OAT: variants seen among roughly 807,000 people sequenced by gnomAD.
OAT encodes the protein ornithine aminotransferase, also known as ornithine aminotransferase, mitochondrial.
OAT carries 35 observed loss-of-function variants against 48.4 expected under a neutral mutation model. The ratio of observed to expected loss-of-function variants is 0.72; its 90% CI spans 0.55 to 0.96. The LOEUF is 0.96. OAT is among the 40% of genes least tolerant of loss of function. The probability of loss-of-function intolerance (pLI) is 0.00; values close to 1 mark genes in which losing one functional copy is unlikely to be tolerated. For synonymous variants in OAT, 182 were observed against 198.4 expected (o/e 0.92, Z 0.70); for missense variants, 438 against 537.9 (o/e 0.81, Z 1.84).
At chr10:124,410,274 C>A (rs1166277561) in intron 2 of OAT, among the ~76,000 whole-genome samples, 2 of 152,150 alleles carry the variant, frequency 1.3e-5, no homozygotes, top group Non-Finnish European at 2.9e-5. Context: ...TGGATATTTA[C>A]AGAGTTTTAC....
chr10:124,411,466 A>G (rs2134488057), intron 2 of OAT, among the ~76,000 whole-genome samples: 1 of 152,294 alleles, frequency 6.6e-6, no homozygotes, highest in Non-Finnish European at 1.5e-5. Context: ...TGACAAAGAC[A>G]ATGGTTCCTC....
chr10:124,405,545 C>G lies in OAT; in HGVS notation c.539G>C (p.Arg180Thr), dbSNP rs121965040. The change falls in exon 5 of 10, where the codon AGG becomes ACG. Residue 180 changes from arginine to threonine, a missense_variant. Physicochemically the swap from Arg to Thr is moderately conservative, Grantham distance 71 (BLOSUM62 -1). Transcript: ENST00000368845. ...IVFAAGNFWGRTLSAISSSTD... is the reference protein window; with the variant it reads ...IVFAAGNFWGTTLSAISSSTD... ...GGAACTGGAGATAGCAGACAACGTC[C>G]TACCCCAGAAGTTCCCAGCTACAAA... 4.4e-5 allele frequency: 71 copies of G among 1,613,892 alleles called. No individual in the cohort carries two copies. The highest frequency in any genetic ancestry group is 2.7e-5 in the Non-Finnish European group (32 of 1,179,946).
At chr10:124,400,085 T>C (rs1951358345) in intron 9 of OAT, among the ~76,000 whole-genome samples, 1 of 152,152 alleles carries the variant, frequency 6.6e-6, no homozygotes, top group South Asian at 2.1e-4. Context: ...AATCAGACAA[T>C]AATCTGTCTA....
chr10:124,413,712 T>G (rs1018010000), intron 1 of OAT, among the ~76,000 whole-genome samples: 2 of 152,140 alleles, frequency 1.3e-5, no homozygotes, highest in Non-Finnish European at 2.9e-5. Context: ...GAAAAAGCTA[T>G]TGTTAGCAAA....
At chr10:124,408,343 A>ATATAT (rs1434453635) in intron 4 of OAT, among the ~76,000 whole-genome samples, 199 bp downstream of exon 4, 6 of 83,806 alleles carry the variant, frequency 7.2e-5, no homozygotes, top group African/African-American at 1.2e-4. Flanking sequence ...ATATATATAT[A>ATATAT]TTTTTTTTTT....
At chr10:124,400,245 C>G (rs531210891) in intron 9 of OAT, among the ~76,000 whole-genome samples, 3 of 150,760 alleles carry the variant, frequency 2.0e-5, no homozygotes, top group Non-Finnish European at 4.4e-5. Flanking sequence ...GTCAGGAGAT[C>G]GAGACCACCC....
intron 4 of OAT, chr10:124,406,175 CTAT>C: frequency 1.1e-6 from 1 of 931,234 alleles, no homozygotes; most frequent in Non-Finnish European, 1.3e-6. Context: ...TGAGGATCTA[CTAT>C]GTCAGGCATT....
intron 9 of OAT, among the ~76,000 whole-genome samples, chr10:124,398,505 C>CAA (rs1230591896): frequency 7.1e-6 from 1 of 140,600 alleles, no homozygotes; most frequent in African/African-American, 2.6e-5. Context: ...GACACCGTCT[C>CAA]AAAAAAAAAA....
At chr10:124,399,636 C>T (rs1001103317) in intron 9 of OAT, among the ~76,000 whole-genome samples, 43 of 152,036 alleles carry the variant, frequency 2.8e-4, no homozygotes, top group African/African-American at 9.2e-4. Context: ...TAAGACACCG[C>T]GCCCGGCCCC....
intron 8 of OAT, 30 bp downstream of exon 8, chr10:124,401,696 T>G: frequency 7.1e-7 from 1 of 1,411,960 alleles, no homozygotes; most frequent in Non-Finnish European, 1.0e-6. Flanking sequence ...CTTTAAAGAA[T>G]AGACACTGTG....
At chr10:124,415,720 T>C (rs1951898594) in intron 1 of OAT, among the ~76,000 whole-genome samples, 1 of 152,206 alleles carries the variant, frequency 6.6e-6, no homozygotes, top group Non-Finnish European at 1.5e-5. Context: ...TCTGTGGTTC[T>C]GAAGAGTAAC....
intron 1 of OAT, among the ~76,000 whole-genome samples, chr10:124,415,371 T>C (rs1268128928): frequency 6.6e-6 from 1 of 152,148 alleles, no homozygotes; most frequent in Non-Finnish European, 1.5e-5. Context: ...GCTCAAGGGA[T>C]CCTTCTGCCT....
chr10:124,412,019 A>G lies in OAT; in HGVS notation c.153T>C (p.Gly51=). The G allele has an allele frequency of 6.2e-7, 1 of 1,614,248 alleles. No individual in the cohort carries two copies. Among genetic ancestry groups the G allele is most frequent in the East Asian group, 2.2e-5 (1 of 44,894 alleles). Residue 51 remains glycine (G), a synonymous_variant, in exon 2 of 10, where the codon GGT becomes GGC. Transcript: ENST00000368845. ...CAGGTAAAGGATGGTAGTTGTGTGC[A>G]CCATACTTATATTCCCTTTCAAAAA... The part of the protein sequence containing the change: ...DDIFEREYKY[G]AHNYHPLPVA...
At chr10:124,403,509 G>A (rs931895643) in intron 6 of OAT, among the ~76,000 whole-genome samples, 9 of 152,170 alleles carry the variant, frequency 5.9e-5, no homozygotes, top group Admixed American at 2.0e-4. Flanking sequence ...CAGAGTGAAA[G>A]GCTCTTAGAG....
intron 4 of OAT, chr10:124,406,868 G>A (rs1951595171): frequency 5.6e-6 from 4 of 716,990 alleles, no homozygotes; most frequent in East Asian, 1.3e-4. Flanking sequence ...CCTATCCTCA[G>A]GGAGCTTCCT....
intron 2 of OAT, 107 bp from the exon 3 acceptor site, chr10:124,409,072 T>A (rs567559587): frequency 3.7e-4 from 262 of 714,062 alleles, no homozygotes; most frequent in Non-Finnish European, 5.8e-4. Flanking sequence ...TATGAACCTC[T>A]ATTTAATACA....
chr10:124,411,968 CG>C lies in OAT; in HGVS notation c.199+4del, dbSNP rs1564739613. On this transcript the variant is annotated splice_donor_region_variant and intron_variant, in intron 2 of 9. Coordinates refer to ENST00000368845, the MANE Select transcript of OAT (RefSeq NM_000274.4). ...AGGGAAAAGACGGATTAATTTGAAACGTACCTTTTCCTCTCTCCAGGGCTAC... is the reference window on the plus strand; with the variant it reads ...AGGGAAAAGACGGATTAATTTGAAACTACCTTTTCCTCTCTCCAGGGCTAC... The C allele has an allele frequency of 1.6e-5, 26 of 1,611,726 alleles. No homozygotes were observed. The highest frequency in any genetic ancestry group is 2.1e-5 in the Non-Finnish European group (25 of 1,178,414).
intron 4 of OAT, 119 bp from the exon 5 acceptor site, chr10:124,405,682 G>A: frequency 6.5e-7 from 1 of 1,537,656 alleles, no homozygotes; most frequent in South Asian, 1.2e-5. Flanking sequence ...TTGCTTTAGT[G>A]CACCTTCGGT....
chr10:124,403,180 T>G, intron 6 of OAT, 125 bp from the exon 7 acceptor site: 1 of 1,053,824 alleles, frequency 9.5e-7, no homozygotes, highest in Non-Finnish European at 1.5e-6. Flanking sequence ...CTCAAATTTG[T>G]AAAAATGTTT....
Sources: gnomAD v4.1 joint callset for allele counts (sites outside exome capture counted in the v4.1 genomes callset) on GRCh38, gnomAD v4.1.1 for gene constraint, MANE v1.5 for transcripts, NCBI Gene and HGNC (gene_info 2026-07-23, HGNC 2026-07-21) for gene names.